The following NRXN3 variants were observed in gnomAD, a reference collection of about 807,000 sequenced individuals.
NRXN3 encodes neurexin III.
NRXN3 carries 32 observed loss-of-function variants against 137.6 expected under a neutral mutation model. The ratio of observed to expected loss-of-function variants is 0.23; its 90% CI spans 0.18 to 0.31. The LOEUF is 0.31. NRXN3 is among the 10% of genes least tolerant of loss of function. The probability of loss-of-function intolerance (pLI) is 1.00; values close to 1 mark genes in which losing one functional copy is unlikely to be tolerated. For synonymous variants in NRXN3, 798 were observed against 784.5 expected (o/e 1.02, Z -0.29); for missense variants, 1,574 against 2,062.5 (o/e 0.76, Z 4.59).
At chr14:78,626,620 C>T (rs2097461242) in intron 4 of NRXN3, among the ~76,000 whole-genome samples, 2 of 152,154 alleles carry the variant, frequency 1.3e-5, no homozygotes, top group South Asian at 4.1e-4. Flanking sequence ...GATAAAAAGT[C>T]ATTCATGTAT....
rs943731703 is a variant in NRXN3 at position 79,865,223 on chromosome 14, A to C, written c.*3259A>C. 4 of 152,322 alleles carry C rather than the reference A, an allele frequency of 2.6e-5. No homozygotes were observed. In the East Asian group the frequency reaches 7.7e-4, roughly 29 times the overall value. The allele number at this position is 152,322 out of a possible 1,614,324, so 9.4% of individuals were successfully genotyped here. The stretch of plus-strand genomic sequence containing the variant: ...TTAAAATTTAAAATTAAAAAACAGA[A>C]TCCAAAACCAAAATTTAAATGAGTT... On this transcript the variant is annotated 3_prime_UTR_variant, in exon 21 of 21. Coordinates refer to ENST00000335750, the MANE Select transcript of NRXN3 (RefSeq NM_001330195.2).
intron 15 of NRXN3, among the ~76,000 whole-genome samples, chr14:79,382,563 GC>G: frequency 6.6e-6 from 1 of 152,078 alleles, no homozygotes; most frequent in Admixed American, 6.6e-5. Context: ...CTTCATTCTT[GC>G]TTATCTTATT....
intron 10 of NRXN3, among the ~76,000 whole-genome samples, chr14:78,941,376 G>A (rs2099352577): frequency 6.6e-6 from 1 of 152,134 alleles, no homozygotes; most frequent in African/African-American, 2.4e-5. Flanking sequence ...GGCTGGCAGG[G>A]ATTCACCTTT....
intron 14 of NRXN3, among the ~76,000 whole-genome samples, chr14:78,973,167 C>T (rs1220552579): frequency 6.6e-6 from 1 of 152,150 alleles, no homozygotes; most frequent in East Asian, 1.9e-4. Flanking sequence ...GGTTTGACAG[C>T]ATCCCATACC....
At chr14:78,490,657 T>C (rs1271593566) in intron 4 of NRXN3, among the ~76,000 whole-genome samples, 1 of 152,218 alleles carries the variant, frequency 6.6e-6, no homozygotes, top group African/African-American at 2.4e-5. Context: ...CAAGTCTGCC[T>C]AATAATAATA....
chr14:78,785,027 A>G (rs555960494), intron 8 of NRXN3, among the ~76,000 whole-genome samples: 31 of 152,308 alleles, frequency 2.0e-4, no homozygotes, highest in Non-Finnish European at 2.9e-5. Flanking sequence ...AGTAAGAACT[A>G]TGGTGCCATT....
intron 4 of NRXN3, among the ~76,000 whole-genome samples, chr14:78,408,354 C>T: frequency 6.6e-6 from 1 of 152,214 alleles, no homozygotes; most frequent in South Asian, 2.1e-4. Flanking sequence ...TACCTGTTTA[C>T]ACTTCTGATC....
In NRXN3 at chr14:79,596,507, G is replaced by A. The variant is rs541497186; in HGVS notation, c.3445-67271G>A. ...GAAACAGGAAAGAAACACGAAAAGC[G>A]GCTCAACAGTCAAAGACAGGTTAAT... On this transcript the variant is annotated intron_variant, in intron 16 of 20. Transcript: ENST00000335750. Among the ~76,000 whole-genome samples the A allele has an allele frequency of 3.9e-4, 60 of 152,208 alleles. 1 individual carries two copies. The highest frequency in any genetic ancestry group is 1.4e-3 in the African/African-American group (57 of 41,514).
chr14:79,334,976 G>A (rs1003262984), intron 15 of NRXN3, among the ~76,000 whole-genome samples: 2 of 152,146 alleles, frequency 1.3e-5, no homozygotes, highest in Non-Finnish European at 2.9e-5. Flanking sequence ...AGGCCCTAGA[G>A]CCAAATAAAT....
rs113194329 is a variant in NRXN3 at position 79,528,077 on chromosome 14, G to A, written c.3444+60675G>A. Among the ~76,000 whole-genome samples, 226 of 152,164 alleles carry A rather than the reference G, an allele frequency of 1.5e-3. 1 individual carries two copies. Among genetic ancestry groups the A allele is most frequent in the Non-Finnish European group, 2.6e-3 (178 of 68,002 alleles). ...GATGAAAAACTGTTAGACTATTTAC[G>A]TATTTAACCAAAAGGTTCCATTTTG... On this transcript the variant is annotated intron_variant, in intron 16 of 20. Coordinates refer to ENST00000335750, the MANE Select transcript of NRXN3 (RefSeq NM_001330195.2).
intron 15 of NRXN3, among the ~76,000 whole-genome samples, chr14:79,272,480 A>G (rs1270847839): frequency 1.3e-5 from 2 of 152,200 alleles, no homozygotes; most frequent in Non-Finnish European, 2.9e-5. Flanking sequence ...CATAAATCCA[A>G]TAGAAATTCT....
At chr14:79,564,066 G>A (rs141891525) in intron 16 of NRXN3, among the ~76,000 whole-genome samples, 20 of 152,002 alleles carry the variant, frequency 1.3e-4, no homozygotes, top group Non-Finnish European at 1.0e-4. Context: ...GATGCTTAGT[G>A]AAGTACAACC....
In NRXN3 at chr14:79,414,434, G is replaced by T. The variant is rs566723221; in HGVS notation, c.3263-52787G>T. Among the ~76,000 whole-genome samples, 101 of 152,074 alleles carry T rather than the reference G, an allele frequency of 6.6e-4. 1 individual carries two copies. Among genetic ancestry groups the T allele is most frequent in the Non-Finnish European group, 1.3e-3 (91 of 67,974 alleles). Reference sequence around the variant, plus strand: ...GATTAGTTCTTTTAGTCCCACCTTTGAGATAAATTTTATAATTTCAAATTT... The same window carrying T: ...GATTAGTTCTTTTAGTCCCACCTTTTAGATAAATTTTATAATTTCAAATTT... On this transcript the variant is annotated intron_variant, in intron 15 of 20. Transcript: ENST00000335750.
chr14:79,621,022 A>T (rs1448008433), intron 16 of NRXN3, among the ~76,000 whole-genome samples: 2 of 152,108 alleles, frequency 1.3e-5, no homozygotes, highest in Non-Finnish European at 2.9e-5. Context: ...CCACAGAGAA[A>T]AGAGCATTTC....
chr14:78,481,389 C>G (rs2153739957), intron 4 of NRXN3, among the ~76,000 whole-genome samples: 1 of 152,206 alleles, frequency 6.6e-6, no homozygotes, highest in Non-Finnish European at 1.5e-5. Context: ...TTCCTTCTAC[C>G]TGCGAAAATA....
At chr14:78,597,065 T>C (rs2097163143) in intron 4 of NRXN3, among the ~76,000 whole-genome samples, 1 of 152,222 alleles carries the variant, frequency 6.6e-6, no homozygotes, top group Non-Finnish European at 1.5e-5. Flanking sequence ...CTTTACTTTT[T>C]CTTTTTCTGC....
At chr14:79,145,872 A>G (rs948138513) in intron 15 of NRXN3, among the ~76,000 whole-genome samples, 2 of 152,184 alleles carry the variant, frequency 1.3e-5, no homozygotes, top group Non-Finnish European at 2.9e-5. Context: ...AAGATTTATT[A>G]ATACCTTCAT....
chr14:78,300,844 A>G (rs1015135027), intron 4 of NRXN3, among the ~76,000 whole-genome samples: 5 of 152,238 alleles, frequency 3.3e-5, no homozygotes, highest in Admixed American at 6.5e-5. Context: ...TAAAAAGCCA[A>G]TGCTATCATT....
chr14:78,877,336 C>T (rs111437047), intron 10 of NRXN3, among the ~76,000 whole-genome samples: 2 of 152,074 alleles, frequency 1.3e-5, no homozygotes, highest in Non-Finnish European at 2.9e-5. Flanking sequence ...CTGAAGGTCC[C>T]CATTCCATGC....
Sources: gnomAD v4.1 joint callset for allele counts (sites outside exome capture counted in the v4.1 genomes callset) on GRCh38, gnomAD v4.1.1 for gene constraint, MANE v1.5 for transcripts, NCBI Gene and HGNC (gene_info 2026-07-23, HGNC 2026-07-21) for gene names.